RALGAPA1: variants seen among roughly 807,000 people sequenced by gnomAD.
The protein encoded by RALGAPA1 is ral GTPase-activating protein subunit alpha-1.
RALGAPA1 carries 52 observed loss-of-function variants against 269.6 expected under a neutral mutation model. The ratio of observed to expected loss-of-function variants is 0.19; its 90% CI spans 0.15 to 0.24. The LOEUF (loss-of-function observed/expected upper bound fraction) is 0.24, where lower values mean the gene tolerates loss of function less well. Ranked by LOEUF, RALGAPA1 falls within the 10% of genes least tolerant of loss-of-function variation. RALGAPA1 has a pLI of 1.00. For synonymous variants in RALGAPA1, 817 were observed against 1,008.3 expected, an observed-to-expected ratio of 0.81 and a Z score of 3.60; for missense variants, 1,917 against 3,013.9, an observed-to-expected ratio of 0.64 and a Z score of 8.52.
At chr14:35,797,568 G>A (rs1401508443) in intron 1 of RALGAPA1, among the ~76,000 whole-genome samples, 1 of 150,566 alleles carries the variant, frequency 6.6e-6, no homozygotes, top group African/African-American at 2.4e-5. Flanking sequence ...AGAAGAGGCC[G>A]GGTGCAGTGG....
intron 31 of RALGAPA1, among the ~76,000 whole-genome samples, chr14:35,651,508 C>T (rs551205509): frequency 6.6e-6 from 1 of 152,168 alleles, no homozygotes; most frequent in East Asian, 1.9e-4. Flanking sequence ...TCAGAATTAA[C>T]AATCTTCAGG....
rs538533810 is a variant in RALGAPA1, at chr14:35,607,665, T to C, written c.6930-1956A>G. Among the ~76,000 whole-genome samples the C allele has an allele frequency of 1.1e-4, 16 of 152,314 alleles. No homozygotes were observed. The South Asian group carries it at 1.9e-3, about 18-fold the overall frequency. On this transcript the variant is annotated intron_variant, in intron 35 of 41. Coordinates refer to ENST00000680220, the MANE Select transcript of RALGAPA1 (RefSeq NM_001346249.2). ...CCCCAGGTCAGGTTGTAGTGAGAGATAGGTTTTGCCTAAGGTGAAAAGCAG... is the reference window on the plus strand; with the variant it reads ...CCCCAGGTCAGGTTGTAGTGAGAGACAGGTTTTGCCTAAGGTGAAAAGCAG...
intron 8 of RALGAPA1, 47 bp downstream of exon 8, chr14:35,751,977 T>C: frequency 6.5e-7 from 1 of 1,544,904 alleles, no homozygotes; most frequent in Non-Finnish European, 8.7e-7. Flanking sequence ...TAAGAGATTA[T>C]TTTACTCTTA....
chr14:35,741,629 T>C (rs2071564824), intron 11 of RALGAPA1, among the ~76,000 whole-genome samples: 1 of 152,190 alleles, frequency 6.6e-6, no homozygotes, highest in Admixed American at 6.5e-5. Context: ...TAGCAAGATA[T>C]GTATCAATCG....
intron 31 of RALGAPA1, among the ~76,000 whole-genome samples, chr14:35,650,315 G>A (rs993472070): frequency 4.6e-5 from 7 of 152,040 alleles, no homozygotes; most frequent in Admixed American, 3.3e-4. Flanking sequence ...AACCTGGGAG[G>A]CAGAGGTTGC....
chr14:35,732,346 A>G (rs555112281), intron 12 of RALGAPA1, among the ~76,000 whole-genome samples: 1 of 152,142 alleles, frequency 6.6e-6, no homozygotes, highest in Admixed American at 6.5e-5. Flanking sequence ...GAAAACAAAA[A>G]AAAAAAACCA....
At chr14:35,634,504 AC>A (rs2061548981) in intron 33 of RALGAPA1, 69 bp downstream of exon 33, 3 of 1,256,886 alleles carry the variant, frequency 2.4e-6, no homozygotes, top group East Asian at 5.0e-5. Flanking sequence ...CAATATTTCC[AC>A]CCATGGCCTC....
At chr14:35,556,700 C>T (rs1302537339) in intron 39 of RALGAPA1, among the ~76,000 whole-genome samples, 1 of 152,132 alleles carries the variant, frequency 6.6e-6, no homozygotes, top group African/African-American at 2.4e-5. Flanking sequence ...AACCATATTG[C>T]CAAGTCTATA....
intron 31 of RALGAPA1, among the ~76,000 whole-genome samples, chr14:35,649,012 G>A (rs897920615): frequency 4.0e-5 from 6 of 151,780 alleles, no homozygotes; most frequent in East Asian, 3.9e-4. Flanking sequence ...CTACTATATC[G>A]CCTTAAGTGA....
chr14:35,604,639 A>T (rs911871119), intron 36 of RALGAPA1, among the ~76,000 whole-genome samples: 1 of 152,048 alleles, frequency 6.6e-6, no homozygotes, highest in Non-Finnish European at 1.5e-5. Flanking sequence ...GCAATTTTGG[A>T]AAACTATTAA....
At chr14:35,550,289 A>T (rs955992461) in intron 39 of RALGAPA1, among the ~76,000 whole-genome samples, 1 of 152,154 alleles carries the variant, frequency 6.6e-6, no homozygotes, top group African/African-American at 2.4e-5. Context: ...AAAACTTTTA[A>T]AAGTTTCCCT....
At chr14:35,644,770 G>C (rs2062279711) in intron 31 of RALGAPA1, among the ~76,000 whole-genome samples, 1 of 152,074 alleles carries the variant, frequency 6.6e-6, no homozygotes, top group South Asian at 2.1e-4. Context: ...GCCTGTTGGT[G>C]GGGGAAGGTG....
chr14:35,740,466 A>G (rs992363458), intron 11 of RALGAPA1, among the ~76,000 whole-genome samples: 1 of 152,226 alleles, frequency 6.6e-6, no homozygotes, highest in Non-Finnish European at 1.5e-5. Context: ...ACTGTCTTGT[A>G]TTCTGTATGT....
chr14:35,731,764 T>C (rs1210505740), intron 12 of RALGAPA1, among the ~76,000 whole-genome samples: 2 of 152,142 alleles, frequency 1.3e-5, no homozygotes, highest in Admixed American at 1.3e-4. Context: ...CTAAGAATAA[T>C]TGGTGTTCCT....
intron 39 of RALGAPA1, among the ~76,000 whole-genome samples, chr14:35,560,638 T>C (rs188170629): frequency 2.0e-5 from 3 of 152,266 alleles, no homozygotes; most frequent in Admixed American, 1.3e-4. Context: ...AGATAAAAAT[T>C]GAAAATATCT....
chr14:35,658,992 ATACT>A (rs1224742747), intron 28 of RALGAPA1, 142 bp downstream of exon 28: 2 of 448,520 alleles, frequency 4.5e-6, no homozygotes, highest in Non-Finnish European at 7.7e-6. Context: ...AAAAGTAAGA[ATACT>A]TAATTATTCA....
At chr14:35,569,539 T>A (rs2056996431) in intron 39 of RALGAPA1, among the ~76,000 whole-genome samples, 1 of 152,086 alleles carries the variant, frequency 6.6e-6, no homozygotes, top group African/African-American at 2.4e-5. Context: ...TTTTCCCAAG[T>A]CTACACAGCT....
intron 31 of RALGAPA1, among the ~76,000 whole-genome samples, chr14:35,650,280 A>G (rs1241837308): frequency 6.6e-6 from 1 of 151,956 alleles, no homozygotes; most frequent in Non-Finnish European, 1.5e-5. Flanking sequence ...AGTTACTTGA[A>G]TGGCTGAAGC....
At chr14:35,766,160 CA>C (rs752007395) in intron 4 of RALGAPA1, 1 of 882,188 alleles carries the variant, frequency 1.1e-6, no homozygotes, top group Non-Finnish European at 1.9e-6. Context: ...TTGTTGGTTT[CA>C]AACCAAACTA....
Sources: gnomAD v4.1 joint callset for allele counts (sites outside exome capture counted in the v4.1 genomes callset) on GRCh38, gnomAD v4.1.1 for gene constraint, MANE v1.5 for transcripts, NCBI Gene and HGNC (gene_info 2026-07-23, HGNC 2026-07-21) for gene names.